Variants in DYNC1I1 observed in about 807,000 individuals in gnomAD.
DYNC1I1 encodes the protein dynein cytoplasmic 1 intermediate chain 1.
A neutral mutation model predicts 86.6 loss-of-function variants in DYNC1I1; 43 were observed. The observed-to-expected ratio is 0.50, with a 90% CI of 0.39 to 0.64. The LOEUF (loss-of-function observed/expected upper bound fraction) is 0.64. DYNC1I1 is among the 30% of genes least tolerant of loss of function. DYNC1I1 has a pLI of 0.00. For missense variants in DYNC1I1, 604 were observed against 788.8 expected, an observed-to-expected ratio of 0.77 and a Z score of 2.81; for synonymous variants, 262 against 283.7, an observed-to-expected ratio of 0.92 and a Z score of 0.77.
At chr7:96,056,301 T>C (rs1003929169) in intron 14 of DYNC1I1, 2 of 152,184 alleles carry the variant, frequency 1.3e-5, no homozygotes, top group African/African-American at 4.8e-5. Flanking sequence ...TCTATGAGTG[T>C]GTACCTGTGT....
At chr7:95,932,911 C>T (rs1791938686) in intron 6 of DYNC1I1, among the ~76,000 whole-genome samples, 1 of 135,534 alleles carries the variant, frequency 7.4e-6, no homozygotes. Context: ...GACAATGTCT[C>T]ACTCTATTGC....
chr7:95,997,583 T>G (rs12670076), intron 10 of DYNC1I1, among the ~76,000 whole-genome samples: 3,380 of 142,830 alleles, frequency 0.024, 184 homozygotes, highest in Admixed American at 0.077. Context: ...AAGGGCATTC[T>G]TGTGTGTGTG....
At chr7:95,848,431 G>C (rs545135718) in intron 5 of DYNC1I1, among the ~76,000 whole-genome samples, 49 of 151,934 alleles carry the variant, frequency 3.2e-4, no homozygotes, top group African/African-American at 1.1e-3. Flanking sequence ...CCTTCCTACT[G>C]TCTACTTTAT....
At chr7:95,817,534 C>G (rs1444440689) in intron 4 of DYNC1I1, among the ~76,000 whole-genome samples, 2 of 152,082 alleles carry the variant, frequency 1.3e-5, no homozygotes, top group Non-Finnish European at 2.9e-5. Context: ...TGAGTTTTAG[C>G]AATTATTATA....
At chr7:95,786,255 C>T (rs1032820159) in intron 1 of DYNC1I1, among the ~76,000 whole-genome samples, 1 of 152,090 alleles carries the variant, frequency 6.6e-6, no homozygotes, top group Admixed American at 6.5e-5. Flanking sequence ...TGCTACAGTC[C>T]CATTGAACTG....
At chr7:96,093,334 A>G (rs1380558794) in intron 16 of DYNC1I1, among the ~76,000 whole-genome samples, 1 of 152,152 alleles carries the variant, frequency 6.6e-6, no homozygotes, top group Admixed American at 6.5e-5. Context: ...TAAGTGCCTG[A>G]CCGTTGCCAG....
intron 1 of DYNC1I1, chr7:95,802,631 T>C (rs1562898782): frequency 6.6e-6 from 1 of 152,228 alleles, no homozygotes; most frequent in Non-Finnish European, 1.5e-5. Context: ...CCTCAACATA[T>C]CCATTCTTGT....
intron 6 of DYNC1I1, among the ~76,000 whole-genome samples, chr7:95,960,921 AT>A (rs1792851145): frequency 6.6e-6 from 1 of 152,238 alleles, no homozygotes; most frequent in Non-Finnish European, 1.5e-5. Flanking sequence ...GTGCATAGTT[AT>A]GCTTGTAAAC....
At chr7:96,020,078 C>T (rs569934405) in intron 10 of DYNC1I1, among the ~76,000 whole-genome samples, 18 of 143,992 alleles carry the variant, frequency 1.3e-4, no homozygotes, top group Non-Finnish European at 2.3e-4. Flanking sequence ...ATTAGAATGG[C>T]TAGTACTAAA....
intron 6 of DYNC1I1, among the ~76,000 whole-genome samples, chr7:95,964,791 G>A (rs1175505852): frequency 6.6e-6 from 1 of 152,164 alleles, no homozygotes; most frequent in African/African-American, 2.4e-5. Flanking sequence ...GTTGGAAGAG[G>A]GGAGGCCTCA....
At chr7:95,960,743 G>C (rs1171147710) in intron 6 of DYNC1I1, among the ~76,000 whole-genome samples, 1 of 152,186 alleles carries the variant, frequency 6.6e-6, no homozygotes, top group African/African-American at 2.4e-5. Context: ...AGTTGATACC[G>C]TGCAGAGCAG....
chr7:95,780,836 T>A (rs1584214295), intron 1 of DYNC1I1, among the ~76,000 whole-genome samples: 1 of 152,200 alleles, frequency 6.6e-6, no homozygotes, highest in East Asian at 1.9e-4. Flanking sequence ...AGTTGGTGGG[T>A]TTGGATGATG....
intron 6 of DYNC1I1, among the ~76,000 whole-genome samples, chr7:95,909,911 C>G (rs1048398094): frequency 6.6e-6 from 1 of 152,104 alleles, no homozygotes; most frequent in East Asian, 1.9e-4. Context: ...CCTGTTTCAT[C>G]TGTCTTTCTC....
chr7:95,968,626 A>G (rs1332079601), intron 6 of DYNC1I1, among the ~76,000 whole-genome samples: 2 of 152,154 alleles, frequency 1.3e-5, no homozygotes, highest in Admixed American at 6.5e-5. Context: ...TCTTTTTCAC[A>G]AGCAAGGTTC....
intron 6 of DYNC1I1, among the ~76,000 whole-genome samples, chr7:95,916,803 TCA>T (rs1484137117): frequency 3.9e-5 from 6 of 152,302 alleles, no homozygotes; most frequent in South Asian, 4.1e-4. Context: ...AGAAAACTGC[TCA>T]CAGCCTGATT....
downstream of DYNC1I1, among the ~76,000 whole-genome samples, chr7:96,100,862 T>C (rs1291893538): frequency 6.6e-6 from 1 of 152,152 alleles, no homozygotes; most frequent in South Asian, 2.1e-4. Flanking sequence ...AGAATAGATA[T>C]ATTATTTAAG....
At chr7:95,996,105 T>C (rs1229110105) in intron 10 of DYNC1I1, 32 bp downstream of exon 10, 3 of 1,613,634 alleles carry the variant, frequency 1.9e-6, no homozygotes, top group Admixed American at 1.7e-5. Context: ...ATAACTTACA[T>C]CTCCTGCTAG....
intron 6 of DYNC1I1, among the ~76,000 whole-genome samples, chr7:95,955,522 G>A (rs1018806257): frequency 2.6e-5 from 4 of 151,674 alleles, no homozygotes; most frequent in South Asian, 2.1e-4. Flanking sequence ...ACAGGGTCTC[G>A]CTGTGTTGCC....
chr7:96,003,087 C>T (rs755016889), intron 10 of DYNC1I1, among the ~76,000 whole-genome samples: 1 of 152,202 alleles, frequency 6.6e-6, no homozygotes, highest in Non-Finnish European at 1.5e-5. Flanking sequence ...TTGTGATCCT[C>T]CTGCCTCAGC....
Sources: gnomAD v4.1 joint callset for allele counts (sites outside exome capture counted in the v4.1 genomes callset) on GRCh38, gnomAD v4.1.1 for gene constraint, MANE v1.5 for transcripts, NCBI Gene and HGNC (gene_info 2026-07-23, HGNC 2026-07-21) for gene names.